Variants in RHEX observed in about 807,000 individuals in gnomAD.
The protein encoded by RHEX is regulator of hemoglobinization and erythroid cell expansion protein.
Under a neutral mutation model 20.1 loss-of-function variants are expected in RHEX, and 18 were observed. The observed-to-expected ratio is 0.90, with a 90% CI of 0.62 to 1.33. The LOEUF (loss-of-function observed/expected upper bound fraction) is 1.33, where lower values mean the gene tolerates loss of function less well. Among genes scored for constraint, RHEX ranks in the 40% most tolerant of loss-of-function variants. The pLI, the probability that RHEX is intolerant of heterozygous loss-of-function variation, is 0.00. For missense variants in RHEX, 192 were observed against 214.3 expected (o/e 0.90, Z 0.65); for synonymous variants, 87 against 77.1 (o/e 1.13, Z -0.67).
At chr1:206,053,894 G>GA (rs1394811841) in intron 1 of RHEX, among the ~76,000 whole-genome samples, 2 of 152,020 alleles carry the variant, frequency 1.3e-5, no homozygotes, top group East Asian at 1.9e-4. Context: ...CCAGTAGAGA[G>GA]AAAAAAAGGC....
At chr1:206,098,220 C>A in intron 3 of RHEX, 39 bp downstream of exon 3, 2 of 1,413,868 alleles carry the variant, frequency 1.4e-6, no homozygotes, top group Non-Finnish European at 1.0e-6. Context: ...TAGTCACTCT[C>A]AGAGACCATT....
chr1:206,064,424 T>C (rs1420823495), intron 1 of RHEX, among the ~76,000 whole-genome samples: 2 of 96,150 alleles, frequency 2.1e-5, no homozygotes, highest in Non-Finnish European at 4.0e-5. Context: ...AGCCGCCCCG[T>C]CCGGGAGGGA....
chr1:206,083,545 GAC>G (rs1553286162), intron 1 of RHEX: 2 of 985,132 alleles, frequency 2.0e-6, no homozygotes, highest in African/African-American at 3.5e-5. Context: ...GACCTCCAGT[GAC>G]ACAGAAGCTT....
intron 1 of RHEX, among the ~76,000 whole-genome samples, chr1:206,095,815 CA>C (rs1214117257): frequency 6.8e-6 from 1 of 146,802 alleles, no homozygotes; most frequent in African/African-American, 2.6e-5. Flanking sequence ...AACTCCATCT[CA>C]AAAAAAAAGA....
Position 206,098,195 on chromosome 1 carries a change from C to A in RHEX, c.112+14C>A, listed in dbSNP as rs1663115992. 6.4e-7 allele frequency: 1 copy of A among 1,558,546 alleles called. No homozygotes were observed. The highest frequency in any genetic ancestry group is 8.9e-7 in the Non-Finnish European group (1 of 1,129,276). ...GCAGGCACATGGGTAACTGGCTCAG[C>A]ATCCTCTTCCCTCCTAGTCACTCTC... is the stretch of plus-strand genomic sequence containing the variant. On this transcript the variant is annotated intron_variant, in intron 3 of 5. Transcript: ENST00000331555.
At chr1:206,087,170 C>T (rs922322052) in intron 1 of RHEX, among the ~76,000 whole-genome samples, 1 of 152,238 alleles carries the variant, frequency 6.6e-6, no homozygotes, top group Non-Finnish European at 1.5e-5. Context: ...TGCCTATACT[C>T]GCTTGTGTGG....
At chr1:206,061,823 G>T in intron 1 of RHEX, 1 of 152,248 alleles carries the variant, frequency 6.6e-6, no homozygotes, top group East Asian at 1.9e-4. Context: ...TCCACTGATG[G>T]GAAGCTAATG....
intron 1 of RHEX, among the ~76,000 whole-genome samples, chr1:206,054,147 G>A (rs994108460): frequency 2.2e-4 from 33 of 151,956 alleles, no homozygotes; most frequent in Admixed American, 7.2e-4. Context: ...AAAAGTGGGG[G>A]GAGACAGAAT....
At position 206,067,376 on chromosome 1, in the gene RHEX, G is replaced by A. The variant is rs966786659; in HGVS notation, c.-97+14111G>A. 2.0e-4 allele frequency among the ~76,000 whole-genome samples: 30 copies of A among 152,278 alleles called. No homozygotes were observed. The highest frequency in any genetic ancestry group is 6.0e-4 in the African/African-American group (25 of 41,540). On this transcript the variant is annotated intron_variant, in intron 1 of 5. Transcript: ENST00000331555. The surrounding 1 kb of genome is among the most constrained non-coding windows in gnomAD (Gnocchi z 4.6). Reference sequence around the variant, plus strand: ...TGTAGATAGTTCTTCCTAGCTCTGAGCTCAAAGTTTCCCAAAGGGTATTTT... The same window carrying A: ...TGTAGATAGTTCTTCCTAGCTCTGAACTCAAAGTTTCCCAAAGGGTATTTT...
At chr1:206,069,515 A>T (rs1348553466) in intron 1 of RHEX, among the ~76,000 whole-genome samples, 3 of 152,200 alleles carry the variant, frequency 2.0e-5, no homozygotes, top group Admixed American at 6.5e-5. Context: ...AATCTCAGCA[A>T]CTAGAAGAAT....
chr1:206,076,669 C>A (rs1477036495), intron 1 of RHEX, among the ~76,000 whole-genome samples: 1 of 152,152 alleles, frequency 6.6e-6, no homozygotes, highest in Non-Finnish European at 1.5e-5. Context: ...AGCCATGTGA[C>A]CAGCATATCC....
At chr1:206,097,038 G>C (rs1185175201) in intron 1 of RHEX, among the ~76,000 whole-genome samples, 1 of 152,152 alleles carries the variant, frequency 6.6e-6, no homozygotes, top group African/African-American at 2.4e-5. Flanking sequence ...GCCTCCAAAA[G>C]TGCTGGGATT....
chr1:206,054,702 T>C (rs1662153798), intron 1 of RHEX, among the ~76,000 whole-genome samples: 2 of 152,376 alleles, frequency 1.3e-5, no homozygotes, highest in East Asian at 3.9e-4. Flanking sequence ...TGGTCAAACA[T>C]GAAAAATTGG....
intron 1 of RHEX, among the ~76,000 whole-genome samples, chr1:206,059,797 A>C (rs1662274387): frequency 6.6e-6 from 1 of 152,102 alleles, no homozygotes; most frequent in African/African-American, 2.4e-5. Context: ...TTGTGTCTCC[A>C]TCCCTCGAGG....
At chr1:206,054,092 T>A in intron 1 of RHEX, among the ~76,000 whole-genome samples, 1 of 148,748 alleles carries the variant, frequency 6.7e-6, no homozygotes, top group Middle Eastern at 3.4e-3. Context: ...AAAGAAAGTT[T>A]GCTTTAAAAA....
At chr1:206,055,586 T>C (rs1337628339) in intron 1 of RHEX, among the ~76,000 whole-genome samples, 2 of 152,270 alleles carry the variant, frequency 1.3e-5, no homozygotes, top group Non-Finnish European at 2.9e-5. Flanking sequence ...ACCAGATCAA[T>C]TTAAAGTCCG....
At position 206,099,662 on chromosome 1, in the gene RHEX, G is replaced by A. The variant is rs1553288147; in HGVS notation, c.120G>A (p.Lys40=). 3 of 1,613,940 alleles carry A rather than the reference G, an allele frequency of 1.9e-6. No individual in the cohort carries two copies. The highest frequency in any genetic ancestry group is 2.2e-5 in the South Asian group (2 of 91,062). The change falls in exon 4 of 6, where the codon AAG becomes AAA. Residue 40 remains lysine (K), a synonymous_variant. Coordinates refer to ENST00000331555, the MANE Select transcript of RHEX (RefSeq NM_001007544.4). ...NYLLSRHMAH[K]SEQILKAASL... is the part of the protein sequence containing the mutation. ...CTGCCCTCTCCCTTCCAGCCCACAA[G>A]AGTGAACAGATACTGAAAGCGGCCA... is the stretch of plus-strand genomic sequence containing the variant.
chr1:206,074,034 C>T (rs1439952400), intron 1 of RHEX, among the ~76,000 whole-genome samples: 2 of 152,150 alleles, frequency 1.3e-5, no homozygotes, highest in Non-Finnish European at 2.9e-5. Flanking sequence ...GTACCCGCTC[C>T]CCTCTATCTT....
At chr1:206,099,275 AC>A (rs1302091956) in intron 3 of RHEX, among the ~76,000 whole-genome samples, 1 of 151,670 alleles carries the variant, frequency 6.6e-6, no homozygotes, top group African/African-American at 2.4e-5. Context: ...GCAGTGTTCA[AC>A]AGGCGCTGAT....
Sources: allele counts gnomAD v4.1 joint callset (sites outside exome capture counted in the v4.1 genomes callset), GRCh38; gene constraint gnomAD v4.1.1; non-coding constraint Gnocchi (gnomAD v3.1); transcripts MANE v1.5; gene names NCBI Gene and HGNC (gene_info 2026-07-23, HGNC 2026-07-21).